Variants in ITGAD observed in about 807,000 individuals in gnomAD.
ITGAD encodes the protein integrin alpha-D.
A neutral mutation model predicts 139.0 loss-of-function variants in ITGAD; 105 were observed. The observed-to-expected ratio is 0.76, with a 90% CI of 0.65 to 0.89. The LOEUF is 0.89. ITGAD is among the 40% of genes least tolerant of loss of function. The pLI, the probability that ITGAD is intolerant of heterozygous loss-of-function variation, is 0.00. For missense variants in ITGAD, 1,384 were observed against 1,487.3 expected (o/e 0.93, Z 1.14); for synonymous variants, 569 against 598.3 (o/e 0.95, Z 0.71).
chr16:31,397,332 G>C (rs762671695), intron 2 of ITGAD, 27 bp from the exon 3 acceptor site: 1 of 1,511,334 alleles, frequency 6.6e-7, no homozygotes. Flanking sequence ...TGTGGCTGCA[G>C]TGACATGGCC....
At chr16:31,423,718 G>C in intron 26 of ITGAD, 70 bp downstream of exon 26, 1 of 1,541,034 alleles carries the variant, frequency 6.5e-7, no homozygotes, top group Non-Finnish European at 8.9e-7. Context: ...TGTACTGCTA[G>C]GCCACAGAGT....
intron 5 of ITGAD, 87 bp downstream of exon 5, chr16:31,397,996 T>C: frequency 9.8e-7 from 1 of 1,017,868 alleles, no homozygotes; most frequent in Non-Finnish European, 1.4e-6. Flanking sequence ...TGGGCCCCTG[T>C]GCCCTCCCTG....
intron 7 of ITGAD, among the ~76,000 whole-genome samples, chr16:31,405,587 C>T (rs559977266): frequency 6.6e-6 from 1 of 151,044 alleles, no homozygotes; most frequent in East Asian, 1.9e-4. Context: ...AAGCTATTTT[C>T]ATCCTGTCTG....
chr16:31,420,909 G>C (rs1296719297), intron 23 of ITGAD, among the ~76,000 whole-genome samples: 1 of 151,982 alleles, frequency 6.6e-6, no homozygotes, highest in Non-Finnish European at 1.5e-5. Flanking sequence ...AGTTGTTAGG[G>C]GAAGGAGCGA....
chr16:31,411,342 G>T lies in ITGAD; in HGVS notation c.1532G>T (p.Gly511Val). 1 of 1,613,934 alleles carries T rather than the reference G, an allele frequency of 6.2e-7. No homozygotes were observed. ...TGGCAGTGTGACGCTGTTCTCCGTG[G>T]TGAGCAGGGCCACCCCTGGGGCCGC... ...VQWQCDAVLR[G>V]EQGHPWGRFG... The change falls in exon 14 of 30, where the codon GGT becomes GTT. Residue 511 changes from glycine to valine, a missense_variant. Transcript: ENST00000389202.
chr16:31,417,964 A>G (rs1228067212), intron 20 of ITGAD, 111 bp from the exon 21 acceptor site: 6 of 872,390 alleles, frequency 6.9e-6, no homozygotes, highest in African/African-American at 1.7e-5. Context: ...AACAACAACA[A>G]AAAAAGAAAA....
intron 23 of ITGAD, among the ~76,000 whole-genome samples, chr16:31,422,891 A>G (rs1000382597): frequency 4.6e-5 from 7 of 152,088 alleles, no homozygotes; most frequent in African/African-American, 1.7e-4. Context: ...GGGTCTCACG[A>G]TGTTGCCCCA....
rs752435079 is a variant in ITGAD, at chr16:31,411,333, T to C, written c.1523T>C (p.Val508Ala). The change falls in exon 14 of 30, where the codon GTT (valine) becomes GCT (alanine). Residue 508 changes from valine (V) to alanine (A), a missense_variant. Val to Ala is a moderately conservative substitution (Grantham distance 64). Coordinates refer to ENST00000389202, the MANE Select transcript of ITGAD (RefSeq NM_005353.3). ...AGGGTGCAGTGGCAGTGTGACGCTGTTCTCCGTGGTGAGCAGGGCCACCCC... is the reference window on the plus strand; with the variant it reads ...AGGGTGCAGTGGCAGTGTGACGCTGCTCTCCGTGGTGAGCAGGGCCACCCC... ...RGRVQWQCDA[V>A]LRGEQGHPWG... 3.7e-6 allele frequency: 6 copies of C among 1,613,436 alleles called. No individual in the cohort carries two copies. In the East Asian group the frequency reaches 1.1e-4, roughly 30 times the overall value.
intron 2 of ITGAD, among the ~76,000 whole-genome samples, chr16:31,395,408 G>A (rs758235354): frequency 1.3e-5 from 2 of 152,178 alleles, no homozygotes; most frequent in Non-Finnish European, 2.9e-5. Context: ...CTCCTGAAGG[G>A]TGGTGAAGGG....
In ITGAD at chr16:31,397,375, C is replaced by A. The variant is rs758825960; in HGVS notation, c.154C>A (p.Pro52Thr). Reference sequence around the variant, plus strand: ...TGTCTCCAGACTCGTGGTGGGAGCACCCCTGGAGGTGGTGGCGGCCAACCA... The same window carrying A: ...TGTCTCCAGACTCGTGGTGGGAGCAACCCTGGAGGTGGTGGCGGCCAACCA... ...FGGSRLVVGA[P>T]LEVVAANQTG... The change falls in exon 3 of 30, where the codon CCC becomes ACC. Residue 52 changes from proline (P) to threonine (T), a missense_variant. Physicochemically the swap from Pro to Thr is conservative, Grantham distance 38 (BLOSUM62 -1). Coordinates refer to ENST00000389202, the MANE Select transcript of ITGAD (RefSeq NM_005353.3). 10 of 1,601,204 alleles carry A rather than the reference C, an allele frequency of 6.2e-6. No individual in the cohort carries two copies. Among genetic ancestry groups the A allele is most frequent in the Non-Finnish European group, 7.7e-6 (9 of 1,174,458 alleles).
chr16:31,396,848 G>GCTT (rs1224614398), intron 2 of ITGAD, among the ~76,000 whole-genome samples: 1 of 152,082 alleles, frequency 6.6e-6, no homozygotes, highest in African/African-American at 2.4e-5. Flanking sequence ...CTAGTACACT[G>GCTT]CTTTACATTG....
chr16:31,402,079 G>A lies in ITGAD; in HGVS notation c.428-36G>A, dbSNP rs192657965. 3.7e-4 allele frequency: 599 copies of A among 1,603,402 alleles called. 1 individual carries two copies. In the African/African-American group the frequency reaches 6.2e-3, roughly 17 times the overall value. On this transcript the variant is annotated intron_variant, in intron 5 of 29. Coordinates refer to ENST00000389202, the MANE Select transcript of ITGAD (RefSeq NM_005353.3). The stretch of plus-strand genomic sequence containing the variant: ...AGCTGCAGGAGGGGGTTGGGCCCCC[G>A]CAGTGCATCTCCGATTCCTCCCCAT...
chr16:31,408,161 G>T (rs1165064056), intron 9 of ITGAD, among the ~76,000 whole-genome samples: 1 of 152,054 alleles, frequency 6.6e-6, no homozygotes, highest in East Asian at 1.9e-4. Context: ...TAGTAGAGGC[G>T]GGGTTTTGTC....
intron 18 of ITGAD, among the ~76,000 whole-genome samples, chr16:31,415,891 C>T (rs77294208): frequency 0.012 from 1,795 of 152,240 alleles, 18 homozygotes; most frequent in Admixed American, 0.019. Flanking sequence ...GTCGAATTTG[C>T]CTGTCATTTC....
At position 31,410,975 on chromosome 16, in the gene ITGAD, G is replaced by A. The variant is rs933804068; in HGVS notation, c.1356+97G>A. ...AGGGAGAGGATGGAGGGGCTTTGGG[G>A]GCCTTGGGAGAGGTCCTGGTACCTG... On this transcript the variant is annotated intron_variant, in intron 12 of 29. Coordinates refer to ENST00000389202, the MANE Select transcript of ITGAD (RefSeq NM_005353.3). 6.3e-6 allele frequency: 10 copies of A among 1,596,946 alleles called. No individual in the cohort carries two copies. In the African/African-American group the frequency reaches 1.2e-4, roughly 19 times the overall value.
At chr16:31,410,583 A>G (rs1250769463) in intron 11 of ITGAD, 59 bp downstream of exon 11, 13 of 758,626 alleles carry the variant, frequency 1.7e-5, no homozygotes, top group Non-Finnish European at 2.1e-5. Context: ...GGTGGGGTCC[A>G]GGGTTCTGGG....
intron 23 of ITGAD, among the ~76,000 whole-genome samples, chr16:31,420,351 A>G (rs2081983986): frequency 6.6e-6 from 1 of 151,138 alleles, no homozygotes; most frequent in East Asian, 1.9e-4. Context: ...GGCATCCCAT[A>G]CACTGGGCTG....
In ITGAD at chr16:31,402,312, G is replaced by A. The variant is rs1163985175; in HGVS notation, c.558+67G>A. ...GAGGCTGGCCTCGGGGAGGCATCCC[G>A]GGAGGGGTGGGGGCAGGCCAGTGAG... On this transcript the variant is annotated intron_variant, in intron 6 of 29. Transcript: ENST00000389202. The A allele has an allele frequency of 5.5e-6, 7 of 1,274,934 alleles. No individual in the cohort carries two copies. In the East Asian group the frequency reaches 1.0e-4, roughly 19 times the overall value. 79.0% of individuals were successfully genotyped at this position (1,274,934 alleles called of 1,614,324 possible). A position where few individuals can be genotyped will look rare whatever the true frequency, so the allele number is the denominator to read the frequency against.
rs754255964 is a variant in ITGAD, at chr16:31,410,527, G to A, written c.1213+3G>A. 6 of 1,603,614 alleles carry A rather than the reference G, an allele frequency of 3.7e-6. No individual in the cohort carries two copies. The East Asian group carries it at 6.8e-5, about 18-fold the overall frequency. On this transcript the variant is annotated splice_donor_region_variant and intron_variant, in intron 11 of 29. Coordinates refer to ENST00000389202, the MANE Select transcript of ITGAD (RefSeq NM_005353.3). The stretch of plus-strand genomic sequence containing the variant: ...GGACATGAGGGACTCTTACCTGGGT[G>A]AGAAACGGCCAGGGGTTGGGGACAG...
Sources: gnomAD v4.1 joint callset for allele counts (sites outside exome capture counted in the v4.1 genomes callset) on GRCh38, gnomAD v4.1.1 for gene constraint, MANE v1.5 for transcripts, NCBI Gene and HGNC (gene_info 2026-07-23, HGNC 2026-07-21) for gene names.